The following CSMD3 variants were observed in gnomAD, a reference collection of about 807,000 sequenced individuals.
CSMD3 encodes the protein CUB and sushi domain-containing protein 3.
CSMD3 carries 177 observed loss-of-function variants against 435.2 expected under a neutral mutation model. The observed-to-expected ratio is 0.41, with a 90% confidence interval of 0.36 to 0.46. The LOEUF (loss-of-function observed/expected upper bound fraction) is 0.46, where lower values mean the gene tolerates loss of function less well. Among genes scored for constraint, CSMD3 ranks in the 20% least tolerant of loss-of-function variants. The pLI is 0.34. For synonymous variants in CSMD3, 1,656 were observed against 1,520.5 expected, an observed-to-expected ratio of 1.09 and a Z score of -2.07; for missense variants, 4,265 against 4,504.6, an observed-to-expected ratio of 0.95 and a Z score of 1.52.
At chr8:113,050,941 T>C (rs2088060669) in intron 5 of CSMD3, among the ~76,000 whole-genome samples, 1 of 152,098 alleles carries the variant, frequency 6.6e-6, no homozygotes, top group African/African-American at 2.4e-5. Flanking sequence ...TCTGCAAGGA[T>C]GAAGTTTCCA....
At chr8:112,994,786 A>T (rs1050277553) in intron 6 of CSMD3, among the ~76,000 whole-genome samples, 2 of 151,532 alleles carry the variant, frequency 1.3e-5, no homozygotes, top group East Asian at 3.9e-4. Flanking sequence ...ATGTTTACTT[A>T]TAAGTTAGAA....
intron 38 of CSMD3, among the ~76,000 whole-genome samples, chr8:112,375,269 A>G (rs1294528312): frequency 3.3e-5 from 5 of 152,272 alleles, no homozygotes; most frequent in South Asian, 2.1e-4. Context: ...TTTTCACTCA[A>G]TTAGAAAAGA....
At chr8:112,455,212 A>G (rs1816707335) in intron 32 of CSMD3, among the ~76,000 whole-genome samples, 1 of 152,200 alleles carries the variant, frequency 6.6e-6, no homozygotes, top group Non-Finnish European at 1.5e-5. Flanking sequence ...TGGTGGACCA[A>G]ATAAAGAAAA....
Position 113,242,640 on chromosome 8 carries a change from T to G in CSMD3, c.514+35952A>C, listed in dbSNP as rs186287725. Among the ~76,000 whole-genome samples the G allele has an allele frequency of 1.3e-3, 201 of 152,160 alleles. 1 individual carries two copies. Among genetic ancestry groups the G allele is most frequent in the African/African-American group, 4.7e-3 (195 of 41,574 alleles). On this transcript the variant is annotated intron_variant, in intron 3 of 70. Transcript: ENST00000297405. Reference sequence around the variant, plus strand: ...GTAACAGAATGGACTTAAAGATCCTTTTTATTTTTTAATAGAAATTAATTG... The same window carrying G: ...GTAACAGAATGGACTTAAAGATCCTGTTTATTTTTTAATAGAAATTAATTG...
intron 1 of CSMD3, among the ~76,000 whole-genome samples, chr8:113,320,254 T>C (rs1482343304): frequency 6.6e-6 from 1 of 152,070 alleles, no homozygotes; most frequent in Admixed American, 6.6e-5. Context: ...TATATTATGT[T>C]TTTCAGACCT....
chr8:112,301,107 A>T (rs1820879706), intron 53 of CSMD3, among the ~76,000 whole-genome samples: 1 of 152,074 alleles, frequency 6.6e-6, no homozygotes, highest in Non-Finnish European at 1.5e-5. Flanking sequence ...AGAGAAAACA[A>T]AGCATAAATA....
intron 32 of CSMD3, among the ~76,000 whole-genome samples, chr8:112,448,416 T>A (rs1815870778): frequency 6.6e-6 from 1 of 152,120 alleles, no homozygotes; most frequent in Non-Finnish European, 1.5e-5. Context: ...ATGGCTGGTG[T>A]CTTTATAAGG....
intron 4 of CSMD3, among the ~76,000 whole-genome samples, chr8:113,121,362 T>C (rs547590911): frequency 6.6e-6 from 1 of 152,264 alleles, no homozygotes; most frequent in Admixed American, 6.5e-5. Flanking sequence ...TATATTATTA[T>C]GTGCTTCTGA....
intron 10 of CSMD3, among the ~76,000 whole-genome samples, chr8:112,899,307 C>T (rs533484317): frequency 2.4e-4 from 36 of 150,650 alleles, no homozygotes; most frequent in African/African-American, 8.7e-4. Flanking sequence ...CATGGCTCTA[C>T]CCTTATAGAA....
At chr8:113,193,322 T>C (rs910783011) in intron 3 of CSMD3, among the ~76,000 whole-genome samples, 1 of 151,388 alleles carries the variant, frequency 6.6e-6, no homozygotes, top group African/African-American at 2.4e-5. Context: ...TTTGGTCCTC[T>C]TATTGCTTCT....
At chr8:112,291,070 T>C (rs1035482677) in intron 56 of CSMD3, among the ~76,000 whole-genome samples, 1 of 152,030 alleles carries the variant, frequency 6.6e-6, no homozygotes, top group Non-Finnish European at 1.5e-5. Context: ...TATGTGTCTC[T>C]ATATGACAAA....
At chr8:113,127,929 C>T (rs2091181851) in intron 4 of CSMD3, among the ~76,000 whole-genome samples, 1 of 152,048 alleles carries the variant, frequency 6.6e-6, no homozygotes, top group African/African-American at 2.4e-5. Context: ...CCAGGTCAAA[C>T]TTTAAGTCAT....
At chr8:112,735,286 G>A (rs1345869773) in intron 13 of CSMD3, among the ~76,000 whole-genome samples, 1 of 152,002 alleles carries the variant, frequency 6.6e-6, no homozygotes, top group Non-Finnish European at 1.5e-5. Flanking sequence ...AGTCAGTAGA[G>A]CACAATGTGA....
chr8:112,521,589 C>T (rs374425565), intron 27 of CSMD3, among the ~76,000 whole-genome samples: 1 of 151,856 alleles, frequency 6.6e-6, no homozygotes, highest in African/African-American at 2.4e-5. Flanking sequence ...CCTTAATGCT[C>T]TTGTCCCTTC....
intron 12 of CSMD3, among the ~76,000 whole-genome samples, chr8:112,824,184 G>C (rs1021098522): frequency 5.3e-5 from 8 of 151,076 alleles, no homozygotes; most frequent in African/African-American, 1.9e-4. Flanking sequence ...GGTATTTTGA[G>C]CCTATTTGTG....
chr8:112,546,533 A>G (rs1827197241), intron 27 of CSMD3, among the ~76,000 whole-genome samples: 2 of 152,220 alleles, frequency 1.3e-5, no homozygotes, highest in African/African-American at 4.8e-5. Flanking sequence ...TGTATTACCC[A>G]GCAGGGGAAG....
chr8:112,732,699 C>CAAAAAA (rs34891739), intron 13 of CSMD3, among the ~76,000 whole-genome samples: 2 of 97,184 alleles, frequency 2.1e-5, no homozygotes. Flanking sequence ...GACTCCATCT[C>CAAAAAA]AAAAAAAAAA....
At chr8:112,355,615 C>T (rs557632536) in intron 38 of CSMD3, among the ~76,000 whole-genome samples, 4 of 152,132 alleles carry the variant, frequency 2.6e-5, no homozygotes, top group Admixed American at 1.3e-4. Context: ...AGGTGCATCA[C>T]GAGGTTAGGA....
Position 113,087,338 on chromosome 8 carries a change from A to C in CSMD3, c.917+11418T>G, listed in dbSNP as rs7842308. On this transcript the variant is annotated intron_variant, in intron 5 of 70. Coordinates refer to ENST00000297405, the MANE Select transcript of CSMD3 (RefSeq NM_198123.2). ...CATCAAGCTACCAATGACTTTCTTCACAGAATTGGAAAAAACTACTTTAAA... is the reference window on the plus strand; with the variant it reads ...CATCAAGCTACCAATGACTTTCTTCCCAGAATTGGAAAAAACTACTTTAAA... Among the ~76,000 whole-genome samples, 701 of 151,878 alleles carry C rather than the reference A, an allele frequency of 4.6e-3. 4 individuals are homozygous for C. Among genetic ancestry groups the C allele is most frequent in the African/African-American group, 0.015 (612 of 41,396 alleles).
Sources: allele counts gnomAD v4.1 joint callset (sites outside exome capture counted in the v4.1 genomes callset), GRCh38; gene constraint gnomAD v4.1.1; transcripts MANE v1.5; gene names NCBI Gene and HGNC (gene_info 2026-07-23, HGNC 2026-07-21).